The following CDS2 variants were observed in gnomAD, a reference collection of about 807,000 sequenced individuals.
The protein encoded by CDS2 is CDP-diacylglycerol synthase 2, also known as phosphatidate cytidylyltransferase 2.
A neutral mutation model predicts 59.0 loss-of-function variants in CDS2; 47 were observed. The observed-to-expected ratio is 0.80, with a 90% CI of 0.63 to 1.02. CDS2 has a LOEUF of 1.02. CDS2 is among the 50% of genes least tolerant of loss of function. CDS2 has a pLI of 0.00. For synonymous variants in CDS2, 207 were observed against 206.4 expected (o/e 1.00, Z -0.02); for missense variants, 356 against 558.9 (o/e 0.64, Z 3.66).
chr20:5,127,223 G>A (rs1004398008), intron 1 of CDS2, 74 bp downstream of exon 1: 3 of 1,319,230 alleles, frequency 2.3e-6, no homozygotes, highest in Admixed American at 2.8e-5. Flanking sequence ...CGCGCGCAGA[G>A]GGGTCGTCTT....
intron 1 of CDS2, among the ~76,000 whole-genome samples, chr20:5,132,966 A>G (rs1248550759): frequency 6.6e-5 from 10 of 151,620 alleles, no homozygotes; most frequent in Admixed American, 6.6e-4. Context: ...AGGTCAGGAC[A>G]TTGAGACCAT....
chr20:5,150,456 G>A (rs1014148755), intron 1 of CDS2, among the ~76,000 whole-genome samples: 2 of 152,160 alleles, frequency 1.3e-5, no homozygotes, highest in Non-Finnish European at 2.9e-5. Context: ...TCTCCCACGG[G>A]TTGGCCAAAG....
In CDS2 at chr20:5,184,169, G is replaced by C. The variant is rs2091051027; in HGVS notation, c.672-689G>C. Among the ~76,000 whole-genome samples, 1 of 151,976 alleles carries C rather than the reference G, an allele frequency of 6.6e-6. No homozygotes were observed. The highest frequency in any genetic ancestry group is 2.4e-5 in the African/African-American group (1 of 41,360). ...AGACTCTGTCTCAAAAACAAAAACA[G>C]AAACAAACAAACAAACCTGTAATCA... On this transcript the variant is annotated intron_variant, in intron 7 of 12. Transcript: ENST00000460006. The surrounding 1 kb of genome is among the most constrained non-coding windows in gnomAD (Gnocchi z 4.3).
At chr20:5,145,176 C>T (rs536565170) in intron 1 of CDS2, among the ~76,000 whole-genome samples, 4 of 149,668 alleles carry the variant, frequency 2.7e-5, no homozygotes, top group African/African-American at 7.4e-5. Flanking sequence ...TCTCTGGGCG[C>T]GTAGATGGAG....
At chr20:5,150,405 G>A (rs945616162) in intron 1 of CDS2, among the ~76,000 whole-genome samples, 3 of 152,188 alleles carry the variant, frequency 2.0e-5, no homozygotes, top group African/African-American at 7.2e-5. Context: ...TTTGCGTTAC[G>A]ATTCTGCCTT....
At chr20:5,185,082 G>A in intron 8 of CDS2, 137 bp downstream of exon 8, 3 of 663,498 alleles carry the variant, frequency 4.5e-6, no homozygotes, top group South Asian at 1.9e-5. Flanking sequence ...CCTGGAGAAA[G>A]GCCAAAGGAA....
In CDS2 at chr20:5,154,772, C is replaced by T. The variant is rs569789689; in HGVS notation, c.58-18751C>T. 6.0e-4 allele frequency among the ~76,000 whole-genome samples: 91 copies of T among 152,298 alleles called. 1 individual carries two copies. The highest frequency in any genetic ancestry group is 1.9e-3 in the African/African-American group (78 of 41,576). On this transcript the variant is annotated intron_variant, in intron 1 of 12. Transcript: ENST00000460006. ...AAGAGATCCTCCCACCTCAACCTCCCGAGTAGCTGGGACTACGGGTGCGTG... is the reference window on the plus strand; with the variant it reads ...AAGAGATCCTCCCACCTCAACCTCCTGAGTAGCTGGGACTACGGGTGCGTG...
intron 1 of CDS2, among the ~76,000 whole-genome samples, chr20:5,132,624 A>C (rs1206475897): frequency 1.3e-5 from 2 of 152,152 alleles, no homozygotes; most frequent in Non-Finnish European, 2.9e-5. Context: ...TTTTATGTTG[A>C]GAAATAATTT....
At chr20:5,163,540 C>T (rs2090891103) in intron 1 of CDS2, among the ~76,000 whole-genome samples, 1 of 151,518 alleles carries the variant, frequency 6.6e-6, no homozygotes, top group Non-Finnish European at 1.5e-5. Flanking sequence ...GGATTATAGG[C>T]GTGAGCCACT....
chr20:5,145,236 A>ACCCCCCCCCCC (rs796723724), intron 1 of CDS2, among the ~76,000 whole-genome samples: 22 of 51,970 alleles, frequency 4.2e-4, no homozygotes, highest in Non-Finnish European at 6.0e-4. Flanking sequence ...GAAAGGAAAG[A>ACCCCCCCCCCC]CCCCCCCCCC....
chr20:5,145,508 A>G (rs539913614), intron 1 of CDS2, among the ~76,000 whole-genome samples: 81 of 151,998 alleles, frequency 5.3e-4, no homozygotes, highest in African/African-American at 1.7e-3. Context: ...TTTGCCAGAT[A>G]TTGGTCTGGA....
chr20:5,185,399 T>C (rs2091060098), intron 8 of CDS2, among the ~76,000 whole-genome samples: 1 of 152,186 alleles, frequency 6.6e-6, no homozygotes, highest in Non-Finnish European at 1.5e-5. Context: ...TACTCCAGCC[T>C]GGGTGATGGG....
intron 1 of CDS2, among the ~76,000 whole-genome samples, chr20:5,158,442 G>T (rs528316383): frequency 6.6e-6 from 1 of 152,130 alleles, no homozygotes; most frequent in African/African-American, 2.4e-5. Context: ...AAAGTGCTGG[G>T]ATTACATGTA....
intron 2 of CDS2, among the ~76,000 whole-genome samples, chr20:5,173,984 A>G (rs1307813646): frequency 1.3e-5 from 2 of 152,206 alleles, no homozygotes; most frequent in South Asian, 4.1e-4. Context: ...ACTGCACAGC[A>G]CAGGAAACCA....
intron 1 of CDS2, among the ~76,000 whole-genome samples, chr20:5,171,809 C>T (rs2090958048): frequency 6.6e-6 from 1 of 152,134 alleles, no homozygotes. Flanking sequence ...GTGACTTATC[C>T]AGAGCCACCT....
rs1168288763 is a variant in CDS2, at chr20:5,192,300, T to C, written c.*2066T>C. On this transcript the variant is annotated 3_prime_UTR_variant, in exon 13 of 13. Coordinates refer to ENST00000460006, the MANE Select transcript of CDS2 (RefSeq NM_003818.4). ...TTTGGGATCAGGGAGCCGAGCATACTGGGCAAGGCTCATCATGTTCCTTTG... is the reference window on the plus strand; with the variant it reads ...TTTGGGATCAGGGAGCCGAGCATACCGGGCAAGGCTCATCATGTTCCTTTG... 1 of 134,034 alleles carries C rather than the reference T, an allele frequency of 7.5e-6. No individual in the cohort carries two copies. Among genetic ancestry groups the C allele is most frequent in the African/African-American group, 2.8e-5 (1 of 35,668 alleles). 8.3% of individuals were successfully genotyped at this position (134,034 alleles called of 1,614,324 possible). A position where few individuals can be genotyped will look rare whatever the true frequency, so the allele number is the denominator to read the frequency against.
intron 1 of CDS2, among the ~76,000 whole-genome samples, chr20:5,158,656 G>A (rs1568534945): frequency 6.6e-6 from 1 of 152,174 alleles, no homozygotes. Flanking sequence ...GGTTTGATAT[G>A]TACAAACAGA....
At chr20:5,144,339 A>G (rs537964172) in intron 1 of CDS2, among the ~76,000 whole-genome samples, 1 of 152,316 alleles carries the variant, frequency 6.6e-6, no homozygotes, top group African/African-American at 2.4e-5. Context: ...GAGTTGGGTG[A>G]CATACTCTTT....
At chr20:5,144,777 G>T (rs765114264) in intron 1 of CDS2, among the ~76,000 whole-genome samples, 2 of 152,124 alleles carry the variant, frequency 1.3e-5, no homozygotes, top group Non-Finnish European at 1.5e-5. Context: ...TTAACAATCC[G>T]TGTATGTCTT....
Sources: gnomAD v4.1 joint callset for allele counts (sites outside exome capture counted in the v4.1 genomes callset) on GRCh38, gnomAD v4.1.1 for gene constraint, Gnocchi (gnomAD v3.1) non-coding constraint, MANE v1.5 for transcripts, NCBI Gene and HGNC (gene_info 2026-07-23, HGNC 2026-07-21) for gene names.